The following CDH2 variants were observed in gnomAD, a reference collection of about 807,000 sequenced individuals.
The protein encoded by CDH2 is cadherin-2.
CDH2 carries 17 observed loss-of-function variants against 92.0 expected under a neutral mutation model. That is an observed-to-expected ratio of 0.18 (90% CI 0.13 to 0.28). The LOEUF is 0.28. Among genes scored for constraint, CDH2 ranks in the 10% least tolerant of loss-of-function variants. The pLI, the probability that CDH2 is intolerant of heterozygous loss-of-function variation, is 1.00. For missense variants in CDH2, 862 were observed against 1,133.1 expected (o/e 0.76, Z 3.44); for synonymous variants, 419 against 415.9 (o/e 1.01, Z -0.09).
Position 28,082,525 on chromosome 18 carries a change from CCAAT to C in CDH2, c.172+65144_172+65147del, listed in dbSNP as rs527953386. 1.7e-3 allele frequency among the ~76,000 whole-genome samples: 255 copies of C among 152,224 alleles called. 1 individual carries two copies. The highest frequency in any genetic ancestry group is 6.8e-3 in the Middle Eastern group (2 of 294). The stretch of plus-strand genomic sequence containing the variant: ...TAGGTCAAGTTCTTGAGTATTTTTG[CCAAT>C]CAGAGATTTTAATAGGTACCCCCCA... On this transcript the variant is annotated intron_variant, in intron 2 of 15. Coordinates refer to ENST00000269141, the MANE Select transcript of CDH2 (RefSeq NM_001792.5).
chr18:28,145,873 T>C lies in CDH2; in HGVS notation c.172+1800A>G, dbSNP rs542521765. Reference sequence around the variant, plus strand: ...ACCTAAAATTGGGAACAAGTGGATATACCAAAACTGTAAAAATCTACCAGA... The same window carrying C: ...ACCTAAAATTGGGAACAAGTGGATACACCAAAACTGTAAAAATCTACCAGA... On this transcript the variant is annotated intron_variant, in intron 2 of 15. Transcript: ENST00000269141. Among the ~76,000 whole-genome samples the C allele has an allele frequency of 2.8e-4, 43 of 152,092 alleles. 1 individual carries two copies. In the South Asian group the frequency reaches 8.3e-3, roughly 29 times the overall value.
intron 1 of CDH2, among the ~76,000 whole-genome samples, chr18:28,156,436 AGGT>A (rs2016212830): frequency 6.8e-6 from 1 of 145,998 alleles, no homozygotes; most frequent in Admixed American, 6.7e-5. Context: ...TCACCTTCCC[AGGT>A]ATAGCATGTC....
chr18:28,115,566 C>G (rs2015483144), intron 2 of CDH2, among the ~76,000 whole-genome samples: 1 of 152,110 alleles, frequency 6.6e-6, no homozygotes, highest in South Asian at 2.1e-4. Flanking sequence ...ATACCAGGGC[C>G]CCCAGCTACA....
intron 1 of CDH2, among the ~76,000 whole-genome samples, chr18:28,163,980 T>G (rs80159135): frequency 0.027 from 4,182 of 152,304 alleles, 81 homozygotes; most frequent in Non-Finnish European, 0.045. Flanking sequence ...GTAGGAATAT[T>G]CTGTTTTCCT....
chr18:28,144,259 CT>C (rs1330360453), intron 2 of CDH2, among the ~76,000 whole-genome samples: 1 of 151,596 alleles, frequency 6.6e-6, no homozygotes, highest in Non-Finnish European at 1.5e-5. Flanking sequence ...GCCATAAATG[CT>C]TTTAAAACAG....
intron 14 of CDH2, among the ~76,000 whole-genome samples, chr18:27,964,025 A>T (rs1470722435): frequency 1.3e-5 from 2 of 152,166 alleles, no homozygotes; most frequent in Non-Finnish European, 2.9e-5. Flanking sequence ...AGTGTGACCT[A>T]TGGCCTATTT....
chr18:28,095,436 A>G (rs917671926), intron 2 of CDH2, among the ~76,000 whole-genome samples: 1 of 152,108 alleles, frequency 6.6e-6, no homozygotes, highest in South Asian at 2.1e-4. Flanking sequence ...AATAAAAAAT[A>G]AATAAAAAGT....
chr18:27,961,439 C>G (rs1280203834), intron 15 of CDH2, among the ~76,000 whole-genome samples: 1 of 151,966 alleles, frequency 6.6e-6, no homozygotes, highest in African/African-American at 2.4e-5. Context: ...GAAGGCCTCA[C>G]AGAGAAATGT....
At chr18:28,037,516 C>T (rs954394964) in intron 2 of CDH2, among the ~76,000 whole-genome samples, 1 of 152,162 alleles carries the variant, frequency 6.6e-6, no homozygotes, top group Non-Finnish European at 1.5e-5. Context: ...TACAGAAATA[C>T]TTTGAGACAA....
At chr18:27,974,491 C>T (rs572735826) in intron 14 of CDH2, among the ~76,000 whole-genome samples, 13 of 152,282 alleles carry the variant, frequency 8.5e-5, no homozygotes, top group African/African-American at 2.9e-4. Context: ...TCATGGACTA[C>T]GTGTGAACAG....
intron 2 of CDH2, among the ~76,000 whole-genome samples, chr18:28,137,642 A>G (rs2015885690): frequency 6.6e-6 from 1 of 152,124 alleles, no homozygotes; most frequent in Non-Finnish European, 1.5e-5. Context: ...ACCATAAGGG[A>G]TCTTTGTTCT....
intron 14 of CDH2, among the ~76,000 whole-genome samples, chr18:27,966,344 A>G (rs1229580210): frequency 1.3e-5 from 2 of 152,198 alleles, no homozygotes; most frequent in African/African-American, 4.8e-5. Flanking sequence ...GATATATTAC[A>G]TAATAGCTCA....
At chr18:28,001,196 A>G (rs949775708) in intron 7 of CDH2, among the ~76,000 whole-genome samples, 1 of 152,208 alleles carries the variant, frequency 6.6e-6, no homozygotes, top group Non-Finnish European at 1.5e-5. Context: ...TGGAAGATAA[A>G]CTTAATGACA....
chr18:27,989,727 G>C (rs918168937), intron 10 of CDH2, among the ~76,000 whole-genome samples: 1 of 152,126 alleles, frequency 6.6e-6, no homozygotes, highest in East Asian at 1.9e-4. Context: ...TTTCCTTCAT[G>C]ATGCATGGAG....
intron 10 of CDH2, among the ~76,000 whole-genome samples, chr18:27,989,570 A>G (rs569055201): frequency 2.6e-5 from 4 of 152,318 alleles, no homozygotes; most frequent in Admixed American, 1.3e-4. Context: ...TGCTCTGGCA[A>G]CCATCCACTC....
At chr18:27,962,244 T>C (rs1465832801) in intron 15 of CDH2, among the ~76,000 whole-genome samples, 1 of 152,238 alleles carries the variant, frequency 6.6e-6, no homozygotes, top group Non-Finnish European at 1.5e-5. Context: ...GCTTTCCATG[T>C]GTTTTTAAAT....
At chr18:28,080,516 A>C (rs1371505336) in intron 2 of CDH2, among the ~76,000 whole-genome samples, 2 of 152,186 alleles carry the variant, frequency 1.3e-5, no homozygotes, top group African/African-American at 4.8e-5. Context: ...AAAGCATAAG[A>C]CAACAGAAAA....
chr18:27,983,667 C>A (rs2012133069), intron 13 of CDH2, among the ~76,000 whole-genome samples: 1 of 152,176 alleles, frequency 6.6e-6, no homozygotes, highest in Admixed American at 6.5e-5. Flanking sequence ...CCTTTGAACA[C>A]TGAAATAATA....
In CDH2 at chr18:28,164,665, G is replaced by GAC. The variant is rs143584290; in HGVS notation, c.60+12296_60+12297dup. ...CCTAGTCTCAAAACACACACACACA[G>GAC]ACACACACACACACATACTCCCACA... On this transcript the variant is annotated intron_variant, in intron 1 of 15. Transcript: ENST00000269141. 5.7e-3 allele frequency among the ~76,000 whole-genome samples: 858 copies of GAC among 150,984 alleles called. 10 individuals carry two copies. Among genetic ancestry groups the GAC allele is most frequent in the African/African-American group, 0.02 (818 of 41,118 alleles).
Sources: gnomAD v4.1 joint callset for allele counts (sites outside exome capture counted in the v4.1 genomes callset) on GRCh38, gnomAD v4.1.1 for gene constraint, MANE v1.5 for transcripts, NCBI Gene and HGNC (gene_info 2026-07-23, HGNC 2026-07-21) for gene names.